Variants in CRTC3 observed in about 807,000 individuals in gnomAD.
CRTC3 encodes the protein CREB regulated transcription coactivator 3, also known as CREB-regulated transcription coactivator 3.
A neutral mutation model predicts 74.5 loss-of-function variants in CRTC3; 26 were observed. That is an observed-to-expected ratio of 0.35 (90% CI 0.26 to 0.48). The LOEUF (loss-of-function observed/expected upper bound fraction) is 0.48. Ranked by LOEUF, CRTC3 falls within the 20% of genes least tolerant of loss-of-function variation. The pLI, the probability that CRTC3 is intolerant of heterozygous loss-of-function variation, is 0.99. For synonymous variants in CRTC3, 377 were observed against 325.8 expected (o/e 1.16, Z -1.69); for missense variants, 760 against 787.3 (o/e 0.97, Z 0.41).
chr15:90,534,623 T>G (rs1383172482), intron 1 of CRTC3, among the ~76,000 whole-genome samples: 5 of 152,202 alleles, frequency 3.3e-5, no homozygotes, highest in Admixed American at 2.0e-4. Context: ...TATAGTAAAA[T>G]CTGGACTTTG....
At chr15:90,639,584 G>C (rs1035243738) in intron 13 of CRTC3, among the ~76,000 whole-genome samples, 2 of 150,782 alleles carry the variant, frequency 1.3e-5, no homozygotes, top group African/African-American at 4.9e-5. Flanking sequence ...TGAGTAATTG[G>C]GGTTACAGGC....
intron 7 of CRTC3, among the ~76,000 whole-genome samples, chr15:90,615,256 G>T (rs1968463622): frequency 1.3e-5 from 2 of 152,114 alleles, no homozygotes; most frequent in Non-Finnish European, 1.5e-5. Flanking sequence ...AACATTGTTG[G>T]AGATCTATGG....
intron 8 of CRTC3, among the ~76,000 whole-genome samples, chr15:90,618,927 C>G (rs1357679879): frequency 6.6e-6 from 1 of 152,170 alleles, no homozygotes; most frequent in Non-Finnish European, 1.5e-5. Context: ...TCTTCTCCAC[C>G]AAAGAGGGCA....
rs1368200600 is a variant in CRTC3, at chr15:90,630,802, G to A, written c.1266+1270G>A. On this transcript the variant is annotated intron_variant, in intron 11 of 14. Coordinates refer to ENST00000268184, the MANE Select transcript of CRTC3 (RefSeq NM_022769.5). Reference sequence around the variant, plus strand: ...TTTTTTTTTTTTGAGACGGAGTCTCGCTCTGTCGCCCAGGTCGGACTGCGG... The same window carrying A: ...TTTTTTTTTTTTGAGACGGAGTCTCACTCTGTCGCCCAGGTCGGACTGCGG... 4.0e-3 allele frequency among the ~76,000 whole-genome samples: 35 copies of A among 8,808 alleles called. 8 individuals are homozygous for A. The highest frequency in any genetic ancestry group is 6.0e-3 in the African/African-American group (32 of 5,338). 5.8% of individuals were successfully genotyped at this position (8,808 alleles called of 152,430 possible).
At chr15:90,634,909 C>CAGTT in intron 11 of CRTC3, 1 of 1,575,508 alleles carries the variant, frequency 6.3e-7, no homozygotes, top group Non-Finnish European at 8.6e-7. Flanking sequence ...GAGATTCAAC[C>CAGTT]AGTTAGCGTG....
chr15:90,554,131 G>A (rs1966870571), intron 2 of CRTC3, among the ~76,000 whole-genome samples: 1 of 151,876 alleles, frequency 6.6e-6, no homozygotes, highest in African/African-American at 2.4e-5. Context: ...TTGTGGAGAA[G>A]AATAAATGAG....
chr15:90,558,745 TAC>T (rs1273649084), intron 2 of CRTC3, among the ~76,000 whole-genome samples: 1 of 151,820 alleles, frequency 6.6e-6, no homozygotes, highest in Admixed American at 6.6e-5. Context: ...TATATATATA[TAC>T]ATATACACAT....
chr15:90,625,277 ACACAGTGCCT>A (rs1968793466), intron 9 of CRTC3, among the ~76,000 whole-genome samples: 1 of 152,252 alleles, frequency 6.6e-6, no homozygotes, highest in Admixed American at 6.5e-5. Flanking sequence ...GCTGCCTGGC[ACACAGTGCCT>A]AGCCCATAGA....
chr15:90,550,869 G>C (rs1966854447), intron 2 of CRTC3, among the ~76,000 whole-genome samples: 1 of 152,080 alleles, frequency 6.6e-6, no homozygotes, highest in South Asian at 2.1e-4. Flanking sequence ...AGCTCTGCCT[G>C]TCCTGTTGCC....
chr15:90,635,342 A>G (rs1361346542), intron 11 of CRTC3, among the ~76,000 whole-genome samples: 2 of 152,132 alleles, frequency 1.3e-5, no homozygotes, highest in Non-Finnish European at 2.9e-5. Context: ...TCCTGGTGTC[A>G]TAAGTTTTAC....
rs35381855 is a variant in CRTC3, at chr15:90,545,400, A to ATTTT, written c.231+5277_231+5280dup. 9.3e-3 allele frequency among the ~76,000 whole-genome samples: 1,282 copies of ATTTT among 137,972 alleles called. 31 individuals are homozygous for ATTTT. The highest frequency in any genetic ancestry group is 0.034 in the African/African-American group (1,228 of 36,618). 90.5% of individuals were successfully genotyped at this position (137,972 alleles called of 152,430 possible). ...GAATCATATGACAATTGTGGTTTTA[A>ATTTT]TTTTTTTTTTTTTTTTTGAGACTGA... On this transcript the variant is annotated intron_variant, in intron 2 of 14. Transcript: ENST00000268184.
chr15:90,554,268 A>T (rs1966871748), intron 2 of CRTC3, among the ~76,000 whole-genome samples: 1 of 148,320 alleles, frequency 6.7e-6, no homozygotes, highest in East Asian at 2.0e-4. Flanking sequence ...CAGTGGCGTG[A>T]TCTTGGCTCA....
At position 90,580,775 on chromosome 15, in the gene CRTC3, G is replaced by T. The variant is rs150612613; in HGVS notation, c.232-12861G>T. Among the ~76,000 whole-genome samples the T allele has an allele frequency of 1.0e-3, 157 of 152,110 alleles. 1 individual carries two copies. Among genetic ancestry groups the T allele is most frequent in the African/African-American group, 3.4e-3 (140 of 41,460 alleles). On this transcript the variant is annotated intron_variant, in intron 2 of 14. Transcript: ENST00000268184. ...ACAAAAGGAATGCCAGACCAACTCA[G>T]TCTCCAAACAAGCGCCCAGATCCAG...
intron 2 of CRTC3, among the ~76,000 whole-genome samples, chr15:90,552,801 A>G (rs530327953): frequency 6.6e-6 from 1 of 152,342 alleles, no homozygotes; most frequent in East Asian, 1.9e-4. Flanking sequence ...GGGTGTAAAG[A>G]AAACTGATTC....
intron 2 of CRTC3, among the ~76,000 whole-genome samples, chr15:90,585,005 A>G (rs16944586): frequency 0.1 from 15,608 of 152,252 alleles, 1,358 homozygotes; most frequent in East Asian, 0.46. Context: ...AGACTACTGG[A>G]GCCAACGTCA....
intron 2 of CRTC3, among the ~76,000 whole-genome samples, chr15:90,551,528 A>G (rs1428232470): frequency 1.3e-5 from 2 of 152,180 alleles, no homozygotes; most frequent in Non-Finnish European, 2.9e-5. Context: ...CGAACTGGAC[A>G]GCACTGCCCC....
chr15:90,545,791 G>A (rs1238481580), intron 2 of CRTC3, among the ~76,000 whole-genome samples: 1 of 151,954 alleles, frequency 6.6e-6, no homozygotes, highest in Non-Finnish European at 1.5e-5. Flanking sequence ...TGTTAGCCAG[G>A]ATGGTCTCCA....
Position 90,617,879 on chromosome 15 carries a change from T to C in CRTC3, c.614-4T>C. On this transcript the variant is annotated splice_region_variant and splice_polypyrimidine_tract_variant and intron_variant, in intron 7 of 14. Transcript: ENST00000268184. ...TGACTGTGCTGCTTTTTTTTTCCCT[T>C]TAGTAGCATCTTTCCCTGGCCCATT... 1 of 1,605,080 alleles carries C rather than the reference T, an allele frequency of 6.2e-7. No individual in the cohort carries two copies. The highest frequency in any genetic ancestry group is 1.1e-5 in the South Asian group (1 of 90,890).
chr15:90,626,000 A>G lies in CRTC3; in HGVS notation c.967+7A>G. On this transcript the variant is annotated splice_region_variant and intron_variant, in intron 10 of 14. Coordinates refer to ENST00000268184, the MANE Select transcript of CRTC3 (RefSeq NM_022769.5). ...GGTATAAGAAGCTCCTCTGGTGAGT[A>G]TCTCCTGCTTAGCAGTGACCTGGTG... 6.2e-7 allele frequency: 1 copy of G among 1,610,412 alleles called. No homozygotes were observed. The highest frequency in any genetic ancestry group is 8.5e-7 in the Non-Finnish European group (1 of 1,176,556).
Sources: gnomAD v4.1 joint callset for allele counts (sites outside exome capture counted in the v4.1 genomes callset) on GRCh38, gnomAD v4.1.1 for gene constraint, MANE v1.5 for transcripts, NCBI Gene and HGNC (gene_info 2026-07-23, HGNC 2026-07-21) for gene names.